UBE4B: variants seen among roughly 807,000 people sequenced by gnomAD.
UBE4B encodes the protein ubiquitination factor E4B.
Under a neutral mutation model 148.1 loss-of-function variants are expected in UBE4B, and 27 were observed. The observed-to-expected ratio is 0.18, with a 90% CI of 0.13 to 0.25. The LOEUF (loss-of-function observed/expected upper bound fraction) is 0.25, where lower values mean the gene tolerates loss of function less well. Ranked by LOEUF, UBE4B falls within the 10% of genes least tolerant of loss-of-function variation. The pLI is 1.00. For synonymous variants in UBE4B, 596 were observed against 619.3 expected (o/e 0.96, Z 0.56); for missense variants, 1,170 against 1,662.4 (o/e 0.70, Z 5.15).
intron 2 of UBE4B, among the ~76,000 whole-genome samples, chr1:10,080,310 C>T (rs1480239266): frequency 1.3e-5 from 2 of 151,720 alleles, no homozygotes; most frequent in African/African-American, 4.8e-5. Context: ...ATCCTAGCTA[C>T]TCTGGAAGCT....
chr1:10,080,938 C>T (rs959646517), intron 2 of UBE4B, among the ~76,000 whole-genome samples: 4 of 152,090 alleles, frequency 2.6e-5, no homozygotes, highest in East Asian at 1.9e-4. Flanking sequence ...AGATGTTGAT[C>T]GAAGGGTACA....
intron 2 of UBE4B, among the ~76,000 whole-genome samples, chr1:10,094,015 G>C (rs1402427817): frequency 1.3e-5 from 2 of 151,962 alleles, no homozygotes; most frequent in Admixed American, 1.3e-4. Flanking sequence ...TTAAACATGT[G>C]TCATTTTCCT....
At chr1:10,078,599 G>A (rs916689969) in intron 2 of UBE4B, among the ~76,000 whole-genome samples, 1 of 151,924 alleles carries the variant, frequency 6.6e-6, no homozygotes, top group African/African-American at 2.4e-5. Context: ...GCCTTGTTTT[G>A]GAATTATGCT....
Position 10,168,735 on chromosome 1 carries a change from A to G in UBE4B, c.3333+465A>G, listed in dbSNP as rs1646293058. Among the ~76,000 whole-genome samples the G allele has an allele frequency of 1.3e-5, 2 of 152,150 alleles. No homozygotes were observed. The highest frequency in any genetic ancestry group is 4.8e-5 in the African/African-American group (2 of 41,438). On this transcript the variant is annotated intron_variant, in intron 24 of 27. Coordinates refer to ENST00000343090, the MANE Select transcript of UBE4B (RefSeq NM_001105562.3). This position sits in a 1 kb window ranked among gnomAD's most constrained non-coding sequence, Gnocchi z 4.9. Reference sequence around the variant, plus strand: ...GTGAAACCCCATCTCTACTAAAAGTACAAAAAATTAGCTGGGCGTGGTGGT... The same window carrying G: ...GTGAAACCCCATCTCTACTAAAAGTGCAAAAAATTAGCTGGGCGTGGTGGT...
chr1:10,060,412 G>C (rs1644261766), intron 1 of UBE4B, among the ~76,000 whole-genome samples: 2 of 152,158 alleles, frequency 1.3e-5, no homozygotes, highest in Non-Finnish European at 1.5e-5. Flanking sequence ...CATAGAAAAG[G>C]AACAGTAAAA....
intron 15 of UBE4B, 46 bp downstream of exon 15, chr1:10,132,528 A>T (rs1247899136): frequency 6.4e-7 from 1 of 1,558,072 alleles, no homozygotes. Flanking sequence ...AAATTCATTC[A>T]TCTGACCCAG....
At chr1:10,092,048 T>A (rs1455093707) in intron 2 of UBE4B, among the ~76,000 whole-genome samples, 1 of 151,810 alleles carries the variant, frequency 6.6e-6, no homozygotes, top group Non-Finnish European at 1.5e-5. Flanking sequence ...CGACTGACCA[T>A]CAGTATTTTA....
chr1:10,131,835 C>T (rs1262098973), intron 14 of UBE4B, among the ~76,000 whole-genome samples: 2 of 152,286 alleles, frequency 1.3e-5, no homozygotes, highest in African/African-American at 2.4e-5. Flanking sequence ...TGCCTGTAAT[C>T]CCAGCGACTT....
intron 25 of UBE4B, among the ~76,000 whole-genome samples, chr1:10,175,566 G>A (rs1646412648): frequency 1.3e-5 from 2 of 152,064 alleles, no homozygotes; most frequent in Admixed American, 1.3e-4. Context: ...CAGGAGAATG[G>A]CGTGAACCTG....
At chr1:10,045,361 A>C (rs1269362030) in intron 1 of UBE4B, among the ~76,000 whole-genome samples, 2 of 152,240 alleles carry the variant, frequency 1.3e-5, no homozygotes, top group Non-Finnish European at 2.9e-5. Context: ...TTTCACACTC[A>C]GGCAATGCAA....
At chr1:10,085,696 G>A (rs982174396) in intron 2 of UBE4B, among the ~76,000 whole-genome samples, 2 of 152,156 alleles carry the variant, frequency 1.3e-5, no homozygotes, top group African/African-American at 4.8e-5. Context: ...GAGAAACTGA[G>A]GTAGTAAGAA....
chr1:10,108,885 G>C (rs1330868539), intron 7 of UBE4B, among the ~76,000 whole-genome samples: 1 of 152,156 alleles, frequency 6.6e-6, no homozygotes, highest in Non-Finnish European at 1.5e-5. Flanking sequence ...CATGGTAAAA[G>C]TGCTGTGTTA....
intron 3 of UBE4B, among the ~76,000 whole-genome samples, chr1:10,098,920 A>T (rs1466128846): frequency 6.6e-6 from 1 of 152,178 alleles, no homozygotes; most frequent in Non-Finnish European, 1.5e-5. Flanking sequence ...TGGAAGAAAC[A>T]ACAGTAATAA....
intron 17 of UBE4B, among the ~76,000 whole-genome samples, chr1:10,143,883 A>G (rs1172781624): frequency 6.6e-6 from 1 of 152,202 alleles, no homozygotes; most frequent in Non-Finnish European, 1.5e-5. Flanking sequence ...CTACCACTGT[A>G]CTTCCAGAAG....
chr1:10,034,709 T>C (rs1643436638), intron 1 of UBE4B, among the ~76,000 whole-genome samples: 3 of 152,214 alleles, frequency 2.0e-5, no homozygotes, highest in Non-Finnish European at 2.9e-5. Context: ...AAGACTTCCA[T>C]GCTCCAGTTT....
intron 2 of UBE4B, among the ~76,000 whole-genome samples, chr1:10,091,516 C>G (rs559863751): frequency 6.6e-6 from 1 of 152,062 alleles, no homozygotes; most frequent in African/African-American, 2.4e-5. Context: ...ATGATTATAG[C>G]CCACTGCAGC....
At position 10,171,549 on chromosome 1, in the gene UBE4B, C is replaced by CT. The variant is rs1646339507; in HGVS notation, c.3525+220_3525+221insT. On this transcript the variant is annotated intron_variant, in intron 25 of 27. Transcript: ENST00000343090. ...TTGCTTGAGGCCAGACTGCAGTGAG[C>CT]CGTGATTGCACCACCACACTCCAGA... Among the ~76,000 whole-genome samples the CT allele has an allele frequency of 2.0e-5, 3 of 152,156 alleles. No individual in the cohort carries two copies. In the South Asian group the frequency reaches 6.2e-4, roughly 32 times the overall value.
At position 10,072,202 on chromosome 1, in the gene UBE4B, A is replaced by T. The variant is rs556030521; in HGVS notation, c.199A>T (p.Ile67Leu). The T allele has an allele frequency of 6.2e-7, 1 of 1,613,096 alleles. No individual in the cohort carries two copies. Among genetic ancestry groups the T allele is most frequent in the Non-Finnish European group, 8.5e-7 (1 of 1,179,808 alleles). ...VHNMTPATSP[I>L]GASGVAHRSQ... ...CAACATGACCCCAGCTACCTCCCCAATAGGTGCATCAGGTAAGCCCAAGCT... is the reference window on the plus strand; with the variant it reads ...CAACATGACCCCAGCTACCTCCCCATTAGGTGCATCAGGTAAGCCCAAGCT... The change falls in exon 2 of 28, where the codon ATA becomes TTA. Residue 67 changes from isoleucine (I) to leucine (L), a missense_variant. Transcript: ENST00000343090.
intron 2 of UBE4B, among the ~76,000 whole-genome samples, chr1:10,082,357 C>T (rs937499135): frequency 6.6e-6 from 1 of 151,934 alleles, no homozygotes; most frequent in African/African-American, 2.4e-5. Context: ...ACAAATTAGC[C>T]AGGCATGGTA....
Sources: allele counts gnomAD v4.1 joint callset (sites outside exome capture counted in the v4.1 genomes callset), GRCh38; gene constraint gnomAD v4.1.1; non-coding constraint Gnocchi (gnomAD v3.1); transcripts MANE v1.5; gene names NCBI Gene and HGNC (gene_info 2026-07-23, HGNC 2026-07-21).